The following CAMTA1 variants were observed in gnomAD, a reference collection of about 807,000 sequenced individuals.
CAMTA1 encodes calmodulin binding transcription activator 1.
In CAMTA1, 27 loss-of-function variants were observed where a neutral mutation model predicts 170.9. The ratio of observed to expected loss-of-function variants is 0.16; its 90% CI spans 0.12 to 0.22. CAMTA1 has a LOEUF of 0.22. CAMTA1 is among the 10% of genes least tolerant of loss of function. The pLI, the probability that CAMTA1 is intolerant of heterozygous loss-of-function variation, is 1.00. For synonymous variants in CAMTA1, 833 were observed against 891.5 expected (o/e 0.93, Z 1.17); for missense variants, 1,619 against 2,217.2 (o/e 0.73, Z 5.42).
chr1:6,948,673 G>A (rs941245526), intron 3 of CAMTA1, among the ~76,000 whole-genome samples: 2 of 152,118 alleles, frequency 1.3e-5, no homozygotes, highest in Admixed American at 6.5e-5. Flanking sequence ...GCTGTATGGC[G>A]TATGGCTTAA....
chr1:7,535,091 C>T (rs1425348614), intron 6 of CAMTA1, among the ~76,000 whole-genome samples: 1 of 152,062 alleles, frequency 6.6e-6, no homozygotes, highest in Non-Finnish European at 1.5e-5. Flanking sequence ...GCCAGCCACC[C>T]ACAGGCCGTT....
chr1:7,180,873 A>G (rs1485633554), intron 4 of CAMTA1, among the ~76,000 whole-genome samples: 1 of 152,222 alleles, frequency 6.6e-6, no homozygotes, highest in Non-Finnish European at 1.5e-5. Context: ...TCGAAAATAA[A>G]TGAATGTTTT....
intron 5 of CAMTA1, among the ~76,000 whole-genome samples, chr1:7,395,249 A>G (rs1172770898): frequency 6.6e-6 from 1 of 152,068 alleles, no homozygotes; most frequent in Non-Finnish European, 1.5e-5. Flanking sequence ...GTTTTTTTGT[A>G]TGGTGAGAGA....
At chr1:6,824,197 A>C (rs980800394) in intron 2 of CAMTA1, among the ~76,000 whole-genome samples, 2 of 152,210 alleles carry the variant, frequency 1.3e-5, no homozygotes, top group Non-Finnish European at 2.9e-5. Flanking sequence ...ATGTAGCATA[A>C]AAAGCCTGGG....
At chr1:7,763,196 T>C (rs1270085040) in intron 22 of CAMTA1, among the ~76,000 whole-genome samples, 2 of 152,226 alleles carry the variant, frequency 1.3e-5, no homozygotes, top group East Asian at 3.8e-4. Flanking sequence ...AAGTAACAGA[T>C]ATTAAGTAAC....
intron 5 of CAMTA1, among the ~76,000 whole-genome samples, chr1:7,367,165 C>T (rs547266309): frequency 4.6e-5 from 7 of 152,278 alleles, no homozygotes; most frequent in African/African-American, 1.4e-4. Context: ...GGAGCTGGAG[C>T]CTCTTTTGAC....
At position 7,455,540 on chromosome 1, in the gene CAMTA1, C is replaced by T. The variant is rs1234096408; in HGVS notation, c.439-12290C>T. ...ATAGCCACAGACCGGCCCGGCGTTT[C>T]CCTCCACCTGCTTCATAAGCAAAAC... On this transcript the variant is annotated intron_variant, in intron 5 of 22. Coordinates refer to ENST00000303635, the MANE Select transcript of CAMTA1 (RefSeq NM_015215.4). This position sits in a 1 kb window ranked among gnomAD's most constrained non-coding sequence, Gnocchi z 5.0. Among the ~76,000 whole-genome samples, 2 of 152,232 alleles carry T rather than the reference C, an allele frequency of 1.3e-5. No individual in the cohort carries two copies. The highest frequency in any genetic ancestry group is 2.9e-5 in the Non-Finnish European group (2 of 68,036).
At chr1:6,860,491 CATTG>C (rs1212948676) in intron 3 of CAMTA1, among the ~76,000 whole-genome samples, 3 of 152,152 alleles carry the variant, frequency 2.0e-5, no homozygotes, top group Non-Finnish European at 4.4e-5. Flanking sequence ...ACTCCTTGTT[CATTG>C]ATCTGTTTAT....
At chr1:7,560,000 T>A (rs1244129118) in intron 6 of CAMTA1, among the ~76,000 whole-genome samples, 2 of 152,220 alleles carry the variant, frequency 1.3e-5, no homozygotes, top group Non-Finnish European at 2.9e-5. Flanking sequence ...TTGGGAATTC[T>A]GTGTAAAATA....
intron 6 of CAMTA1, among the ~76,000 whole-genome samples, chr1:7,521,526 A>T (rs543762773): frequency 6.7e-6 from 1 of 150,270 alleles, no homozygotes; most frequent in Non-Finnish European, 1.5e-5. Context: ...TTGTGTATCC[A>T]CCACCGTTGC....
chr1:7,292,603 G>A (rs1344579984), intron 5 of CAMTA1, among the ~76,000 whole-genome samples: 2 of 152,088 alleles, frequency 1.3e-5, no homozygotes, highest in African/African-American at 2.4e-5. Flanking sequence ...CCGTACTCAG[G>A]AGAGAGAAGC....
chr1:7,618,764 A>G (rs1048213885), intron 6 of CAMTA1, among the ~76,000 whole-genome samples: 4 of 152,194 alleles, frequency 2.6e-5, no homozygotes, highest in African/African-American at 7.2e-5. Context: ...TTCTTCTCCC[A>G]TTATGAGAAT....
At chr1:7,149,397 T>C (rs2148673409) in intron 4 of CAMTA1, among the ~76,000 whole-genome samples, 1 of 152,332 alleles carries the variant, frequency 6.6e-6, no homozygotes, top group South Asian at 2.1e-4. Flanking sequence ...GCTCATTTTC[T>C]GCCCCTCTGC....
At chr1:6,868,299 ACT>A (rs1407534757) in intron 3 of CAMTA1, among the ~76,000 whole-genome samples, 12 of 143,846 alleles carry the variant, frequency 8.3e-5, no homozygotes, top group Admixed American at 2.1e-4. Context: ...ACAGAGCGAG[ACT>A]CTTTTTTTTT....
chr1:6,865,967 A>T (rs927500876), intron 3 of CAMTA1, among the ~76,000 whole-genome samples: 12 of 152,158 alleles, frequency 7.9e-5, no homozygotes, highest in Non-Finnish European at 1.5e-4. Context: ...CTTGGCATTT[A>T]AAAAAATGTA....
chr1:6,833,415 T>A (rs1651342874), intron 3 of CAMTA1, among the ~76,000 whole-genome samples: 1 of 152,162 alleles, frequency 6.6e-6, no homozygotes, highest in African/African-American at 2.4e-5. Flanking sequence ...ATATATGCAT[T>A]ACATAAAAAG....
chr1:7,640,357 C>T, intron 6 of CAMTA1, 43 bp from the exon 7 acceptor site: 1 of 1,608,782 alleles, frequency 6.2e-7, no homozygotes, highest in South Asian at 1.1e-5. Context: ...CCCTGGTGGG[C>T]TCCATGCCAC....
intron 11 of CAMTA1, among the ~76,000 whole-genome samples, chr1:7,718,237 G>A: frequency 6.6e-6 from 1 of 151,762 alleles, no homozygotes. Flanking sequence ...CACAGTGGGT[G>A]TTCCGTAAAC....
intron 11 of CAMTA1, among the ~76,000 whole-genome samples, chr1:7,704,087 C>T (rs1312591562): frequency 6.6e-6 from 1 of 151,872 alleles, no homozygotes; most frequent in Non-Finnish European, 1.5e-5. Context: ...CCGGCCCCCT[C>T]CCTCCAGCCT....
Sources: allele counts gnomAD v4.1 joint callset (sites outside exome capture counted in the v4.1 genomes callset), GRCh38; gene constraint gnomAD v4.1.1; non-coding constraint Gnocchi (gnomAD v3.1); transcripts MANE v1.5; gene names NCBI Gene and HGNC (gene_info 2026-07-23, HGNC 2026-07-21).